The following CSMD1 variants were observed in gnomAD, a reference collection of about 807,000 sequenced individuals.
CSMD1 encodes the protein CUB and Sushi multiple domains 1.
A neutral mutation model predicts 417.5 loss-of-function variants in CSMD1; 213 were observed. The observed-to-expected ratio is 0.51, with a 90% CI of 0.46 to 0.57. The LOEUF (loss-of-function observed/expected upper bound fraction) is 0.57, where lower values mean the gene tolerates loss of function less well. CSMD1 is among the 20% of genes least tolerant of loss of function. The probability of loss-of-function intolerance (pLI) is 0.00; values close to 1 mark genes in which losing one functional copy is unlikely to be tolerated. For synonymous variants in CSMD1, 2,862 were observed against 1,736.8 expected, an observed-to-expected ratio of 1.65 and a Z score of -16.11; for missense variants, 6,923 against 4,529.7, an observed-to-expected ratio of 1.53 and a Z score of -15.17.
At chr8:4,327,058 G>C (rs532639410) in intron 3 of CSMD1, among the ~76,000 whole-genome samples, 1 of 152,124 alleles carries the variant, frequency 6.6e-6, no homozygotes, top group Admixed American at 6.6e-5. Flanking sequence ...CTCAGAAGAC[G>C]ACTTCAAATA....
At chr8:2,961,771 A>C (rs557726546) in intron 61 of CSMD1, among the ~76,000 whole-genome samples, 2 of 152,354 alleles carry the variant, frequency 1.3e-5, no homozygotes, top group Admixed American at 1.3e-4. Flanking sequence ...AGTTACCAGT[A>C]GAAAAACAAA....
At chr8:4,378,754 T>A (rs1309656424) in intron 3 of CSMD1, among the ~76,000 whole-genome samples, 1 of 152,224 alleles carries the variant, frequency 6.6e-6, no homozygotes, top group African/African-American at 2.4e-5. Flanking sequence ...TATGAGGTTA[T>A]GAGAGCTCTG....
chr8:4,235,082 C>G (rs1352838783), intron 3 of CSMD1, among the ~76,000 whole-genome samples: 1 of 152,036 alleles, frequency 6.6e-6, no homozygotes, highest in Non-Finnish European at 1.5e-5. Context: ...AGTCCCTTTC[C>G]AGGGGACTTC....
chr8:4,360,794 C>G (rs1458251364), intron 3 of CSMD1, among the ~76,000 whole-genome samples: 1 of 151,470 alleles, frequency 6.6e-6, no homozygotes, highest in Non-Finnish European at 1.5e-5. Flanking sequence ...GCACCCGGCC[C>G]CTCGGGGTTC....
At chr8:4,339,088 G>C (rs563349770) in intron 3 of CSMD1, among the ~76,000 whole-genome samples, 1 of 152,068 alleles carries the variant, frequency 6.6e-6, no homozygotes, top group Non-Finnish European at 1.5e-5. Flanking sequence ...CATGGATTCT[G>C]AGTCTAGACA....
intron 6 of CSMD1, among the ~76,000 whole-genome samples, chr8:3,719,039 T>C (rs1014562345): frequency 1.3e-5 from 2 of 152,152 alleles, no homozygotes; most frequent in African/African-American, 4.8e-5. Flanking sequence ...TCCTGCACTC[T>C]ACGTATTGAG....
intron 57 of CSMD1, among the ~76,000 whole-genome samples, chr8:2,972,091 A>C (rs1804509779): frequency 1.3e-5 from 2 of 152,068 alleles, no homozygotes; most frequent in South Asian, 4.1e-4. Flanking sequence ...TTCCTATATT[A>C]ATATTTAGCG....
At chr8:3,277,288 A>G (rs905502) in intron 26 of CSMD1, among the ~76,000 whole-genome samples, 96,135 of 151,858 alleles carry the variant, frequency 0.63, 30,542 homozygotes, top group Admixed American at 0.65. Context: ...GGAGAGTTCT[A>G]AGCAGAAGTG....
chr8:3,236,265 T>C (rs1431392456), intron 26 of CSMD1, among the ~76,000 whole-genome samples: 3 of 152,100 alleles, frequency 2.0e-5, no homozygotes, highest in Non-Finnish European at 4.4e-5. Flanking sequence ...TTAGAGCTAA[T>C]GTATATATCT....
intron 25 of CSMD1, chr8:3,284,697 A>T (rs1803014740): frequency 3.9e-6 from 1 of 256,296 alleles, no homozygotes; most frequent in African/African-American, 2.2e-5. Context: ...CTTGGCATTG[A>T]CAGATGTGTT....
chr8:3,206,517 G>A (rs567558318), intron 30 of CSMD1, among the ~76,000 whole-genome samples: 19 of 131,470 alleles, frequency 1.4e-4, no homozygotes, highest in Non-Finnish European at 2.4e-4. Context: ...TGTGGTGTAT[G>A]TCTGCGTGTG....
At chr8:3,638,591 G>C (rs139850287) in intron 7 of CSMD1, among the ~76,000 whole-genome samples, 1 of 152,150 alleles carries the variant, frequency 6.6e-6, no homozygotes, top group Non-Finnish European at 1.5e-5. Flanking sequence ...TCTGGAAAGG[G>C]TCAGAATGTG....
chr8:4,943,799 C>G (rs1186253440), intron 1 of CSMD1, among the ~76,000 whole-genome samples: 1 of 152,228 alleles, frequency 6.6e-6, no homozygotes, highest in South Asian at 2.1e-4. Flanking sequence ...GAAAAAATCC[C>G]TTATGAACGA....
chr8:4,112,019 T>G (rs1311290567), intron 3 of CSMD1, among the ~76,000 whole-genome samples: 3 of 151,624 alleles, frequency 2.0e-5, no homozygotes, highest in African/African-American at 7.2e-5. Context: ...TTAAATGACA[T>G]GAAATGTATA....
At chr8:3,608,045 G>A (rs569587718) in intron 8 of CSMD1, among the ~76,000 whole-genome samples, 1 of 152,216 alleles carries the variant, frequency 6.6e-6, no homozygotes, top group Non-Finnish European at 1.5e-5. Context: ...GGTGGTATGT[G>A]CCTGTAATGC....
intron 1 of CSMD1, among the ~76,000 whole-genome samples, chr8:4,910,715 T>A (rs367894860): frequency 2.4e-4 from 37 of 152,344 alleles, no homozygotes; most frequent in Middle Eastern, 3.4e-3. Flanking sequence ...AGATATTCTT[T>A]GTAAGTGTTA....
chr8:3,354,634 T>C (rs1808621041), intron 21 of CSMD1, among the ~76,000 whole-genome samples: 2 of 152,054 alleles, frequency 1.3e-5, no homozygotes, highest in Non-Finnish European at 2.9e-5. Context: ...CCATTCATTA[T>C]CCTATAAACC....
intron 3 of CSMD1, among the ~76,000 whole-genome samples, chr8:4,220,002 T>G (rs1800930577): frequency 6.6e-6 from 1 of 152,048 alleles, no homozygotes; most frequent in African/African-American, 2.4e-5. Context: ...CAGGCTGGAG[T>G]GCAGTGGTGC....
intron 5 of CSMD1, among the ~76,000 whole-genome samples, chr8:3,791,681 G>T (rs1269317697): frequency 6.6e-6 from 1 of 152,106 alleles, no homozygotes; most frequent in Non-Finnish European, 1.5e-5. Flanking sequence ...AAATTAGCTG[G>T]GCACGATGGT....
Sources: allele counts gnomAD v4.1 joint callset (sites outside exome capture counted in the v4.1 genomes callset), GRCh38; gene constraint gnomAD v4.1.1; transcripts MANE v1.5; gene names NCBI Gene and HGNC (gene_info 2026-07-23, HGNC 2026-07-21).